Variants in CHCHD3 observed in about 807,000 individuals in gnomAD.
The protein encoded by CHCHD3 is MICOS complex subunit MIC19.
In CHCHD3, 20 loss-of-function variants were observed where a neutral mutation model predicts 38.2. The ratio of observed to expected loss-of-function variants is 0.52; its 90% CI spans 0.37 to 0.76. CHCHD3 has a LOEUF of 0.76. Among genes scored for constraint, CHCHD3 ranks in the 30% least tolerant of loss-of-function variants. The pLI, the probability that CHCHD3 is intolerant of heterozygous loss-of-function variation, is 0.00. For synonymous variants in CHCHD3, 82 were observed against 100.0 expected (o/e 0.82, Z 1.07); for missense variants, 245 against 279.2 (o/e 0.88, Z 0.87).
At chr7:133,014,416 C>T (rs570621047) in intron 3 of CHCHD3, among the ~76,000 whole-genome samples, 69 of 151,456 alleles carry the variant, frequency 4.6e-4, no homozygotes, top group Non-Finnish European at 8.4e-4. Context: ...TTGTAAATAG[C>T]ATATAACTAA....
intron 4 of CHCHD3, among the ~76,000 whole-genome samples, chr7:132,892,708 T>C (rs1809394581): frequency 3.3e-5 from 5 of 152,106 alleles, no homozygotes; most frequent in Admixed American, 3.3e-4. Context: ...CAGGACTTGG[T>C]GCCCTGAGTC....
At chr7:132,934,372 G>A (rs1263237439) in intron 4 of CHCHD3, among the ~76,000 whole-genome samples, 1 of 152,144 alleles carries the variant, frequency 6.6e-6, no homozygotes, top group Non-Finnish European at 1.5e-5. Flanking sequence ...AGGATCTCTG[G>A]AGGATTTCTA....
intron 3 of CHCHD3, among the ~76,000 whole-genome samples, chr7:133,019,163 A>G (rs1833447): frequency 0.75 from 113,393 of 151,874 alleles, 42,394 homozygotes; most frequent in Middle Eastern, 0.78. Context: ...GATTGCAGGC[A>G]TGAGCCACCA....
chr7:133,028,039 TA>T (rs1244268341), intron 2 of CHCHD3, among the ~76,000 whole-genome samples: 7 of 152,118 alleles, frequency 4.6e-5, no homozygotes, highest in African/African-American at 1.7e-4. Context: ...CTACTTCTCA[TA>T]AAAAAGTAAA....
At chr7:132,837,954 C>A (rs1262511649) in intron 6 of CHCHD3, among the ~76,000 whole-genome samples, 1 of 152,070 alleles carries the variant, frequency 6.6e-6, no homozygotes, top group South Asian at 2.1e-4. Flanking sequence ...TGATTTAAAG[C>A]CTTTCAAGGT....
At chr7:132,810,005 C>T (rs554144856) in intron 6 of CHCHD3, among the ~76,000 whole-genome samples, 1 of 152,154 alleles carries the variant, frequency 6.6e-6, no homozygotes, top group South Asian at 2.1e-4. Context: ...CCTGAAAGTC[C>T]CTGGAAATGA....
intron 6 of CHCHD3, among the ~76,000 whole-genome samples, chr7:132,806,619 T>C (rs544602121): frequency 5.9e-4 from 90 of 151,374 alleles, no homozygotes; most frequent in Non-Finnish European, 8.5e-4. Context: ...GACAGACAAG[T>C]AAATGAAGGA....
chr7:132,982,648 G>T (rs1325762105), intron 3 of CHCHD3, among the ~76,000 whole-genome samples: 1 of 152,132 alleles, frequency 6.6e-6, no homozygotes, highest in Admixed American at 6.6e-5. Flanking sequence ...ATGCTTACTC[G>T]TACCAGGTAC....
At chr7:132,869,526 T>C (rs1057147544) in intron 5 of CHCHD3, among the ~76,000 whole-genome samples, 2 of 152,190 alleles carry the variant, frequency 1.3e-5, no homozygotes, top group African/African-American at 2.4e-5. Context: ...CTAACTTTGA[T>C]ATACACAATT....
intron 7 of CHCHD3, among the ~76,000 whole-genome samples, chr7:132,790,605 C>T (rs1299832234): frequency 6.6e-6 from 1 of 152,184 alleles, no homozygotes; most frequent in Non-Finnish European, 1.5e-5. Flanking sequence ...TGACCAGCAT[C>T]CCAGCTGGGC....
intron 3 of CHCHD3, among the ~76,000 whole-genome samples, chr7:133,014,000 T>G (rs1262522030): frequency 6.6e-6 from 1 of 152,238 alleles, no homozygotes; most frequent in Admixed American, 6.5e-5. Context: ...GTTGCATAAG[T>G]GTTTCTTAAC....
chr7:133,014,822 A>G (rs1032369030), intron 3 of CHCHD3, among the ~76,000 whole-genome samples: 3 of 152,090 alleles, frequency 2.0e-5, no homozygotes, highest in African/African-American at 7.2e-5. Context: ...AAGGTGCCCA[A>G]TTTGCTCTAC....
At chr7:132,860,142 G>A (rs1005083393) in intron 5 of CHCHD3, among the ~76,000 whole-genome samples, 5 of 151,964 alleles carry the variant, frequency 3.3e-5, no homozygotes, top group Admixed American at 1.3e-4. Flanking sequence ...GGGTGATGGC[G>A]CGCATCTGTA....
At chr7:132,892,510 T>A (rs1809387226) in intron 4 of CHCHD3, among the ~76,000 whole-genome samples, 1 of 152,112 alleles carries the variant, frequency 6.6e-6, no homozygotes, top group Non-Finnish European at 1.5e-5. Flanking sequence ...GGGGAGAAAT[T>A]CAAGCCAGCT....
chr7:133,005,336 C>T (rs1446734003), intron 3 of CHCHD3, among the ~76,000 whole-genome samples: 2 of 152,164 alleles, frequency 1.3e-5, no homozygotes, highest in African/African-American at 4.8e-5. Context: ...CATCCTCACT[C>T]GAGGGTGAAC....
At chr7:132,874,361 T>C (rs1363897140) in intron 5 of CHCHD3, among the ~76,000 whole-genome samples, 1 of 152,202 alleles carries the variant, frequency 6.6e-6, no homozygotes, top group East Asian at 1.9e-4. Context: ...AAGTAAACCT[T>C]ACTGCTTCCT....
intron 6 of CHCHD3, among the ~76,000 whole-genome samples, chr7:132,797,036 A>G (rs985267813): frequency 1.3e-5 from 2 of 152,246 alleles, no homozygotes; most frequent in Non-Finnish European, 1.5e-5. Context: ...CTCAGCTTTG[A>G]CACCCTCTAC....
chr7:132,950,299 AC>A (rs933475518), intron 4 of CHCHD3, among the ~76,000 whole-genome samples: 29 of 152,090 alleles, frequency 1.9e-4, no homozygotes, highest in African/African-American at 3.9e-4. Context: ...TGTACAGTGT[AC>A]CCCCCAGTCC....
At chr7:133,056,116 C>T (rs571282163) in intron 2 of CHCHD3, among the ~76,000 whole-genome samples, 4 of 151,596 alleles carry the variant, frequency 2.6e-5, no homozygotes, top group African/African-American at 7.3e-5. Context: ...CCACTGCATT[C>T]GGCCTAGGTA....
Sources: gnomAD v4.1 joint callset for allele counts (sites outside exome capture counted in the v4.1 genomes callset) on GRCh38, gnomAD v4.1.1 for gene constraint, MANE v1.5 for transcripts, NCBI Gene and HGNC (gene_info 2026-07-23, HGNC 2026-07-21) for gene names.